PUM2: variants seen among roughly 807,000 people sequenced by gnomAD.
PUM2 encodes pumilio homolog 2.
In PUM2, 57 loss-of-function variants were observed where a neutral mutation model predicts 124.5. The observed-to-expected ratio is 0.46, with a 90% CI of 0.37 to 0.57. The LOEUF is 0.57. PUM2 is among the 20% of genes least tolerant of loss of function. The probability of loss-of-function intolerance (pLI) is 0.00; values close to 1 mark genes in which losing one functional copy is unlikely to be tolerated. For synonymous variants in PUM2, 460 were observed against 446.1 expected (o/e 1.03, Z -0.39); for missense variants, 1,065 against 1,290.6 (o/e 0.83, Z 2.68).
chr2:20,318,731 T>TTTG, intron 2 of PUM2, 86 bp from the exon 3 acceptor site: 4 of 858,476 alleles, frequency 4.7e-6, no homozygotes, highest in Non-Finnish European at 7.1e-6. Context: ...CACTGCTATG[T>TTTG]ATACATTAGT....
intron 2 of PUM2, among the ~76,000 whole-genome samples, chr2:20,324,810 A>G (rs1683280939): frequency 1.3e-5 from 2 of 152,212 alleles, no homozygotes; most frequent in Admixed American, 1.3e-4. Flanking sequence ...TAAATTTGAA[A>G]TTAGTCCTAC....
intron 1 of PUM2, among the ~76,000 whole-genome samples, chr2:20,347,452 G>A (rs1015117474): frequency 2.0e-5 from 3 of 152,140 alleles, no homozygotes; most frequent in Middle Eastern, 6.8e-3. Flanking sequence ...CATTTATCAC[G>A]CACCTACCTA....
chr2:20,320,816 ATATT>A (rs921986094), intron 2 of PUM2, among the ~76,000 whole-genome samples: 1 of 152,178 alleles, frequency 6.6e-6, no homozygotes, highest in African/African-American at 2.4e-5. Context: ...CATACTTGAT[ATATT>A]TAAATAATAG....
At chr2:20,265,384 C>G (rs979122227) in intron 13 of PUM2, among the ~76,000 whole-genome samples, 4 of 152,184 alleles carry the variant, frequency 2.6e-5, no homozygotes, top group African/African-American at 9.7e-5. Flanking sequence ...TTCAAGAGTT[C>G]AGTGTTTCAA....
intron 2 of PUM2, among the ~76,000 whole-genome samples, chr2:20,323,649 T>C (rs571961994): frequency 3.9e-5 from 6 of 152,042 alleles, no homozygotes; most frequent in African/African-American, 7.2e-5. Flanking sequence ...TTGAGTCAGT[T>C]TGACTATCCT....
intron 16 of PUM2, among the ~76,000 whole-genome samples, 182 bp from the exon 17 acceptor site, chr2:20,256,352 A>C (rs1664752152): frequency 6.6e-6 from 1 of 152,174 alleles, no homozygotes. Context: ...CAAGGGTTTA[A>C]ATTTTTTTCT....
intron 14 of PUM2, 86 bp downstream of exon 14, chr2:20,263,107 C>A (rs1208228412): frequency 8.4e-6 from 11 of 1,312,862 alleles, no homozygotes; most frequent in Non-Finnish European, 1.2e-5. Flanking sequence ...AACTTTAATG[C>A]AGACTAAAGT....
At chr2:20,302,597 G>A (rs1677255355) in intron 7 of PUM2, among the ~76,000 whole-genome samples, 1 of 151,992 alleles carries the variant, frequency 6.6e-6, no homozygotes, top group African/African-American at 2.4e-5. Flanking sequence ...TGCACACATG[G>A]ATCTATTTCA....
chr2:20,314,546 C>T lies in PUM2; in HGVS notation c.161-2123G>A, dbSNP rs184388938. On this transcript the variant is annotated intron_variant, in intron 3 of 20. Coordinates refer to ENST00000361078, the MANE Select transcript of PUM2 (RefSeq NM_015317.5). ...AAAGAACCGGTAAGCTACCAGCTAC[C>T]TCTGACTTGTTTGTGACAGGTATAA... Among the ~76,000 whole-genome samples, 41 of 152,278 alleles carry T rather than the reference C, an allele frequency of 2.7e-4. No homozygotes were observed. The East Asian group carries it at 6.5e-3, about 24-fold the overall frequency.
intron 1 of PUM2, among the ~76,000 whole-genome samples, chr2:20,344,982 C>CAAAA (rs762460030): frequency 8.6e-4 from 57 of 66,160 alleles, no homozygotes; most frequent in Non-Finnish European, 1.0e-3. Flanking sequence ...GACTCTGTCT[C>CAAAA]AAAAAAAAAA....
rs778700744 is a variant in PUM2, at chr2:20,308,502, C to T, written c.601G>A (p.Gly201Arg). The change falls in exon 6 of 21, where the codon GGG (glycine) becomes AGG (arginine). Residue 201 changes from glycine (G) to arginine (R), a missense_variant. Transcript: ENST00000361078. ...GPNTNPSEGL[G>R]PLPNPTANKP... is the part of the protein sequence containing the mutation. ...TTAGCTGTAGGATTAGGAAGAGGCC[C>T]CAGTCCTTCTGAGGGATTAGTATTG... 7 of 1,613,994 alleles carry T rather than the reference C, an allele frequency of 4.3e-6. No homozygotes were observed. In the Admixed American group the frequency reaches 1.0e-4, roughly 23 times the overall value.
chr2:20,269,691 A>T lies in PUM2; in HGVS notation c.1958-6231T>A, dbSNP rs1015221724. Among the ~76,000 whole-genome samples, 3 of 152,240 alleles carry T rather than the reference A, an allele frequency of 2.0e-5. No individual in the cohort carries two copies. The South Asian group carries it at 6.2e-4, about 32-fold the overall frequency. ...TTAATTTTATGACAATATGCAAGCA[A>T]ACATTAGATGCAAATTACAAGCCAA... On this transcript the variant is annotated intron_variant, in intron 13 of 20. Coordinates refer to ENST00000361078, the MANE Select transcript of PUM2 (RefSeq NM_015317.5).
rs869149732 is a variant in PUM2, at chr2:20,264,336, C to CAAAAA, written c.1958-881_1958-877dup. On this transcript the variant is annotated intron_variant, in intron 13 of 20. Coordinates refer to ENST00000361078, the MANE Select transcript of PUM2 (RefSeq NM_015317.5). ...TGGGTGACACAGCAACACTCTGTCT[C>CAAAAA]AAAAAAAAAAAAAAAAAAAAAAAAA... 7.9e-5 allele frequency among the ~76,000 whole-genome samples: 2 copies of CAAAAA among 25,390 alleles called. 1 individual carries two copies. Among genetic ancestry groups the CAAAAA allele is most frequent in the African/African-American group, 3.4e-4 (2 of 5,858 alleles). 16.7% of individuals were successfully genotyped at this position (25,390 alleles called of 152,430 possible).
chr2:20,257,039 GTCTCAAAAAAAAAAAAA>G (rs1664947512), intron 16 of PUM2, among the ~76,000 whole-genome samples: 2 of 71,318 alleles, frequency 2.8e-5, no homozygotes. Flanking sequence ...GCAAGATTCC[GTCTCAAAAAAAAAAAAA>G]AAAAAAAAAA....
At chr2:20,312,949 A>C (rs922488371) in intron 3 of PUM2, among the ~76,000 whole-genome samples, 4 of 152,210 alleles carry the variant, frequency 2.6e-5, no homozygotes, top group African/African-American at 9.6e-5. Flanking sequence ...ACCTGAGAAA[A>C]ACAAGCAATG....
At chr2:20,305,697 T>A (rs117804513) in intron 7 of PUM2, among the ~76,000 whole-genome samples, 29 of 152,116 alleles carry the variant, frequency 1.9e-4, no homozygotes, top group South Asian at 4.1e-4. Flanking sequence ...TTCAACTATT[T>A]TAAAATATCA....
intron 8 of PUM2, among the ~76,000 whole-genome samples, chr2:20,296,488 C>T (rs1675602863): frequency 1.5e-5 from 2 of 136,338 alleles, no homozygotes; most frequent in South Asian, 2.4e-4. Flanking sequence ...GAGCGAGACT[C>T]TGTCTCAAAA....
rs1348238818 is a variant in PUM2 at position 20,249,831 on chromosome 2, A to G, written c.*1754T>C. 6.5e-6 allele frequency: 1 copy of G among 152,686 alleles called. No individual in the cohort carries two copies. The highest frequency in any genetic ancestry group is 2.4e-5 in the African/African-American group (1 of 41,468). 9.5% of individuals were successfully genotyped at this position (152,686 alleles called of 1,614,324 possible). A position where few individuals can be genotyped will look rare whatever the true frequency, so the allele number is the denominator to read the frequency against. On this transcript the variant is annotated 3_prime_UTR_variant, in exon 21 of 21. Coordinates refer to ENST00000361078, the MANE Select transcript of PUM2 (RefSeq NM_015317.5). ...TATCTTTCAGAAACTGAATATACACAGCAAGTTTTTTTCCAAAATATTTTC... is the reference window on the plus strand; with the variant it reads ...TATCTTTCAGAAACTGAATATACACGGCAAGTTTTTTTCCAAAATATTTTC...
intron 7 of PUM2, 124 bp from the exon 8 acceptor site, chr2:20,297,802 G>T: frequency 1.0e-6 from 1 of 977,634 alleles, no homozygotes; most frequent in Non-Finnish European, 1.5e-6. Context: ...GTGCATAATG[G>T]TTCAAATTTT....
Sources: allele counts gnomAD v4.1 joint callset (sites outside exome capture counted in the v4.1 genomes callset), GRCh38; gene constraint gnomAD v4.1.1; transcripts MANE v1.5; gene names NCBI Gene and HGNC (gene_info 2026-07-23, HGNC 2026-07-21).